The following SND1 variants were observed in gnomAD, a reference collection of about 807,000 sequenced individuals.
The protein encoded by SND1 is staphylococcal nuclease and tudor domain containing 1.
SND1 carries 38 observed loss-of-function variants against 121.7 expected under a neutral mutation model. That is an observed-to-expected ratio of 0.31 (90% confidence interval 0.24 to 0.41). SND1 has a LOEUF of 0.41. Among genes scored for constraint, SND1 ranks in the 10% least tolerant of loss-of-function variants. SND1 has a pLI of 1.00. For missense variants in SND1, 868 were observed against 1,184.6 expected (o/e 0.73, Z 3.92); for synonymous variants, 401 against 447.4 (o/e 0.90, Z 1.31).
At chr7:127,844,715 A>G (rs987760452) in intron 12 of SND1, among the ~76,000 whole-genome samples, 3 of 152,336 alleles carry the variant, frequency 2.0e-5, no homozygotes, top group East Asian at 1.9e-4. Flanking sequence ...TTGAGTATCA[A>G]GCAGGCCCTA....
intron 9 of SND1, among the ~76,000 whole-genome samples, chr7:127,714,987 T>C (rs1255543562): frequency 1.3e-5 from 2 of 152,234 alleles, no homozygotes; most frequent in South Asian, 4.1e-4. Context: ...TTTGAGACCC[T>C]GTTTTCAATT....
intron 14 of SND1, among the ~76,000 whole-genome samples, chr7:127,910,839 G>GC (rs2116778259): frequency 6.6e-6 from 1 of 152,284 alleles, no homozygotes; most frequent in South Asian, 2.1e-4. Context: ...CTATGGTTCT[G>GC]CCGGGTGGGT....
rs1486354986 is a variant in SND1 at position 127,899,210 on chromosome 7, T to A, written c.1455-5537T>A. 2.0e-5 allele frequency among the ~76,000 whole-genome samples: 3 copies of A among 152,168 alleles called. No homozygotes were observed. In the East Asian group the frequency reaches 5.8e-4, roughly 29 times the overall value. On this transcript the variant is annotated intron_variant, in intron 13 of 23. Transcript: ENST00000354725. ...AGATACAGAAATAAAGATTAACACA[T>A]GAAACAATTTGAAAGTCATATGTTG...
At chr7:127,925,810 G>T (rs970954856) in intron 14 of SND1, among the ~76,000 whole-genome samples, 76 of 151,832 alleles carry the variant, frequency 5.0e-4, no homozygotes, top group Non-Finnish European at 7.4e-5. Flanking sequence ...GGCCAGGCTG[G>T]TCTCGAACTC....
intron 16 of SND1, among the ~76,000 whole-genome samples, chr7:127,994,954 C>G (rs1802612162): frequency 6.6e-6 from 1 of 151,916 alleles, no homozygotes; most frequent in African/African-American, 2.4e-5. Context: ...GAACTCCTGA[C>G]CTTGTGATCT....
intron 10 of SND1, among the ~76,000 whole-genome samples, chr7:127,797,020 G>A (rs1429170065): frequency 6.6e-6 from 1 of 151,132 alleles, no homozygotes; most frequent in Admixed American, 6.6e-5. Flanking sequence ...AGCCTCCCGA[G>A]TAGCTGGGAT....
At chr7:127,793,872 G>T (rs372095217) in intron 10 of SND1, among the ~76,000 whole-genome samples, 15 of 152,176 alleles carry the variant, frequency 9.9e-5, no homozygotes, top group African/African-American at 3.6e-4. Context: ...GCAACCAACT[G>T]GAGAAAAGAA....
At chr7:128,073,454 C>T (rs758313129) in intron 16 of SND1, among the ~76,000 whole-genome samples, 1 of 152,114 alleles carries the variant, frequency 6.6e-6, no homozygotes, top group Non-Finnish European at 1.5e-5. Flanking sequence ...TTTTCCTCCC[C>T]GCTACCTTCT....
chr7:127,888,654 G>T (rs1799954607), intron 13 of SND1, among the ~76,000 whole-genome samples: 1 of 152,112 alleles, frequency 6.6e-6, no homozygotes, highest in Non-Finnish European at 1.5e-5. Context: ...ACTGGGTAGT[G>T]TGGTAGTTGA....
chr7:128,055,886 G>T (rs1378303822), intron 16 of SND1, among the ~76,000 whole-genome samples: 3 of 152,092 alleles, frequency 2.0e-5, no homozygotes, highest in Non-Finnish European at 4.4e-5. Flanking sequence ...AGACATCTGG[G>T]AGTGTGCTGC....
chr7:127,771,860 G>C (rs1797517675), intron 10 of SND1, among the ~76,000 whole-genome samples: 2 of 152,016 alleles, frequency 1.3e-5, no homozygotes, highest in South Asian at 4.1e-4. Context: ...ATTTCTGTCT[G>C]CTTGGTAAAT....
intron 1 of SND1, among the ~76,000 whole-genome samples, chr7:127,655,921 C>A (rs1795202731): frequency 6.6e-6 from 1 of 152,168 alleles, no homozygotes; most frequent in Admixed American, 6.5e-5. Context: ...CAGAAGCAGC[C>A]ATGGAGGCAG....
intron 15 of SND1, among the ~76,000 whole-genome samples, chr7:127,975,884 C>T (rs372959988): frequency 2.6e-5 from 4 of 152,212 alleles, no homozygotes; most frequent in East Asian, 1.9e-4. Context: ...TAGGCAGGTC[C>T]GGCTCCATTC....
rs759055705 is a variant in SND1 at position 128,029,244 on chromosome 7, G to A, written c.1779+38188G>A. 3.0e-5 allele frequency: 49 copies of A among 1,614,020 alleles called. 1 individual carries two copies. The Admixed American group carries it at 8.2e-4, about 27-fold the overall frequency. ...CTTGTACTTTCGCGTTGTGTCCTCA[G>A]GCGAGATCTCCGTGGTCTCCACTGT... is the stretch of plus-strand genomic sequence containing the variant. On this transcript the variant is annotated intron_variant, in intron 16 of 23. Coordinates refer to ENST00000354725, the MANE Select transcript of SND1 (RefSeq NM_014390.4). The surrounding 1 kb of genome is among the most constrained non-coding windows in gnomAD (Gnocchi z 4.2).
chr7:127,913,535 C>T (rs1371131235), intron 14 of SND1, among the ~76,000 whole-genome samples: 1 of 152,194 alleles, frequency 6.6e-6, no homozygotes, highest in Non-Finnish European at 1.5e-5. Flanking sequence ...CCATGCTCTT[C>T]GGTTGTTCTC....
At chr7:127,958,576 G>T (rs1211862016) in intron 15 of SND1, among the ~76,000 whole-genome samples, 2 of 152,168 alleles carry the variant, frequency 1.3e-5, no homozygotes, top group African/African-American at 4.8e-5. Flanking sequence ...TTCTCACAGG[G>T]ATTTGAGCTT....
chr7:128,063,016 G>A (rs1793255797), intron 16 of SND1, among the ~76,000 whole-genome samples: 1 of 152,186 alleles, frequency 6.6e-6, no homozygotes, highest in African/African-American at 2.4e-5. Flanking sequence ...TCCCTTGCTT[G>A]GAGGGCTTCA....
At chr7:127,836,237 A>G (rs1263961322) in intron 11 of SND1, among the ~76,000 whole-genome samples, 1 of 152,216 alleles carries the variant, frequency 6.6e-6, no homozygotes, top group East Asian at 1.9e-4. Flanking sequence ...AATGTATCAA[A>G]TAAGAACACT....
intron 3 of SND1, 68 bp from the exon 4 acceptor site, chr7:127,698,807 A>G: frequency 1.6e-6 from 2 of 1,283,136 alleles, no homozygotes; most frequent in Non-Finnish European, 2.3e-6. Flanking sequence ...AAGTGGTCCC[A>G]TTTGGGCTCT....
Sources: allele counts gnomAD v4.1 joint callset (sites outside exome capture counted in the v4.1 genomes callset), GRCh38; gene constraint gnomAD v4.1.1; non-coding constraint Gnocchi (gnomAD v3.1); transcripts MANE v1.5; gene names NCBI Gene and HGNC (gene_info 2026-07-23, HGNC 2026-07-21).